PSD3: variants seen among roughly 807,000 people sequenced by gnomAD.
PSD3 encodes the protein pleckstrin and Sec7 domain containing 3.
A neutral mutation model predicts 105.5 loss-of-function variants in PSD3; 49 were observed. That is an observed-to-expected ratio of 0.46 (90% CI 0.37 to 0.59). The LOEUF (loss-of-function observed/expected upper bound fraction) is 0.59, where lower values mean the gene tolerates loss of function less well. PSD3 is among the 20% of genes least tolerant of loss of function. The pLI is 0.00. For synonymous variants in PSD3, 557 were observed against 457.8 expected, an observed-to-expected ratio of 1.22 and a Z score of -2.77; for missense variants, 1,561 against 1,263.8, an observed-to-expected ratio of 1.24 and a Z score of -3.57.
At chr8:18,652,168 C>T (rs998360813) in intron 10 of PSD3, among the ~76,000 whole-genome samples, 5 of 152,114 alleles carry the variant, frequency 3.3e-5, no homozygotes, top group Non-Finnish European at 5.9e-5. Context: ...TGGAGACAGA[C>T]GATGAGCGCT....
intron 1 of PSD3, among the ~76,000 whole-genome samples, chr8:19,047,955 T>C (rs1389846437): frequency 6.6e-6 from 1 of 152,108 alleles, no homozygotes; most frequent in Non-Finnish European, 1.5e-5. Context: ...TTTTTTTTAA[T>C]GAAGCAGCAT....
intron 9 of PSD3, among the ~76,000 whole-genome samples, chr8:18,752,487 T>A (rs1440401002): frequency 6.2e-5 from 1 of 16,238 alleles, no homozygotes; most frequent in Admixed American, 8.9e-4. Context: ...TATTATTATA[T>A]ATATAATATA....
intron 10 of PSD3, among the ~76,000 whole-genome samples, chr8:18,648,452 G>A (rs1267965467): frequency 6.6e-6 from 1 of 152,180 alleles, no homozygotes; most frequent in Non-Finnish European, 1.5e-5. Flanking sequence ...ATGATTTAGG[G>A]TATCTGGCAG....
intron 9 of PSD3, among the ~76,000 whole-genome samples, chr8:18,661,525 C>G (rs1487939805): frequency 1.3e-5 from 2 of 152,196 alleles, no homozygotes; most frequent in African/African-American, 4.8e-5. Context: ...TCAACTTCTA[C>G]TATCGTCTCT....
intron 9 of PSD3, among the ~76,000 whole-genome samples, chr8:18,709,817 C>G (rs1167548064): frequency 6.6e-6 from 1 of 152,122 alleles, no homozygotes; most frequent in African/African-American, 2.4e-5. Flanking sequence ...AAAAAAGACA[C>G]CACAAAAACC....
chr8:18,843,567 A>G (rs532937141), intron 4 of PSD3, among the ~76,000 whole-genome samples: 30 of 152,310 alleles, frequency 2.0e-4, no homozygotes, highest in African/African-American at 7.0e-4. Context: ...TCCTCTTCTA[A>G]TAACAGCTTT....
At chr8:19,027,012 T>TA (rs778536637) in intron 1 of PSD3, among the ~76,000 whole-genome samples, 4 of 152,200 alleles carry the variant, frequency 2.6e-5, no homozygotes, top group Non-Finnish European at 5.9e-5. Context: ...TCAGTGGCTC[T>TA]AAAGAGAGAA....
chr8:18,695,110 C>G (rs2131010384), intron 9 of PSD3, among the ~76,000 whole-genome samples: 1 of 152,272 alleles, frequency 6.6e-6, no homozygotes, highest in East Asian at 1.9e-4. Context: ...GCCTTCTAGA[C>G]TTTTAGACTA....
chr8:18,741,086 T>C (rs1370037169), intron 9 of PSD3, among the ~76,000 whole-genome samples: 1 of 152,250 alleles, frequency 6.6e-6, no homozygotes, highest in Non-Finnish European at 1.5e-5. Flanking sequence ...TATTGTTTTC[T>C]GTTGTCTGTT....
chr8:18,725,205 C>G (rs79862808), intron 9 of PSD3, among the ~76,000 whole-genome samples: 2 of 152,032 alleles, frequency 1.3e-5, no homozygotes, highest in Non-Finnish European at 2.9e-5. Context: ...AGGTCTAACG[C>G]GACGCAAGCC....
intron 2 of PSD3, among the ~76,000 whole-genome samples, chr8:18,912,774 A>C (rs913546996): frequency 6.6e-6 from 1 of 152,202 alleles, no homozygotes; most frequent in Non-Finnish European, 1.5e-5. Context: ...CTATTGCTTC[A>C]TCACAAATTT....
chr8:18,752,562 AT>A lies in PSD3; in HGVS notation c.2172+12886del, dbSNP rs1563225423. On this transcript the variant is annotated intron_variant, in intron 9 of 15. Transcript: ENST00000327040. ...TTATATATATTATATATAATTATAT[AT>A]ATTATATATATAATTATATATATTA... Among the ~76,000 whole-genome samples, 132 of 86,942 alleles carry A rather than the reference AT, an allele frequency of 1.5e-3. 1 individual carries two copies. Among genetic ancestry groups the A allele is most frequent in the African/African-American group, 8.2e-3 (125 of 15,154 alleles). 57.0% of individuals were successfully genotyped at this position (86,942 alleles called of 152,430 possible).
intron 2 of PSD3, among the ~76,000 whole-genome samples, chr8:18,916,748 AT>A (rs1711861860): frequency 6.6e-6 from 1 of 152,166 alleles, no homozygotes. Context: ...CCACAAAAAA[AT>A]AAGTATGTAA....
chr8:18,867,592 T>C lies in PSD3; in HGVS notation c.1634+82A>G. The C allele has an allele frequency of 2.0e-6, 3 of 1,481,250 alleles. No individual in the cohort carries two copies. The South Asian group carries it at 4.1e-5, about 20-fold the overall frequency. 91.8% of individuals were successfully genotyped at this position (1,481,250 alleles called of 1,614,324 possible). The stretch of plus-strand genomic sequence containing the variant: ...ACAGAAATTGGCCAAATGATTTAAA[T>C]ATATATTCCACACTCAGATTTCCCA... On this transcript the variant is annotated intron_variant, in intron 4 of 15. Coordinates refer to ENST00000327040, the MANE Select transcript of PSD3 (RefSeq NM_015310.4).
intron 1 of PSD3, among the ~76,000 whole-genome samples, chr8:19,048,302 T>C (rs1586666118): frequency 6.6e-6 from 1 of 152,140 alleles, no homozygotes. Flanking sequence ...AACTCGGTGG[T>C]TAAGAGCACC....
intron 2 of PSD3, among the ~76,000 whole-genome samples, chr8:18,890,457 G>C (rs1473568520): frequency 6.6e-6 from 1 of 152,154 alleles, no homozygotes; most frequent in Non-Finnish European, 1.5e-5. Flanking sequence ...GAGCCGAGAG[G>C]AGAGAGGTGA....
chr8:18,784,150 C>T (rs1055466607), intron 8 of PSD3, among the ~76,000 whole-genome samples: 2 of 152,140 alleles, frequency 1.3e-5, no homozygotes, highest in Non-Finnish European at 2.9e-5. Context: ...AGATTACTCT[C>T]CTGTCATCAG....
intron 4 of PSD3, among the ~76,000 whole-genome samples, chr8:18,857,143 G>T (rs377530489): frequency 6.6e-6 from 1 of 152,184 alleles, no homozygotes; most frequent in Non-Finnish European, 1.5e-5. Context: ...CCAAACCTCT[G>T]TTAGGAGAAT....
intron 2 of PSD3, among the ~76,000 whole-genome samples, chr8:18,909,878 T>C (rs1205632469): frequency 6.6e-6 from 1 of 152,254 alleles, no homozygotes. Flanking sequence ...TTTACTTCTA[T>C]CGTATTCCTG....
Sources: allele counts gnomAD v4.1 joint callset (sites outside exome capture counted in the v4.1 genomes callset), GRCh38; gene constraint gnomAD v4.1.1; transcripts MANE v1.5; gene names NCBI Gene and HGNC (gene_info 2026-07-23, HGNC 2026-07-21).